RGSL1: variants seen among roughly 807,000 people sequenced by gnomAD.
The protein encoded by RGSL1 is regulator of G protein signaling protein-like.
In RGSL1, 97 loss-of-function variants were observed where a neutral mutation model predicts 124.7. The ratio of observed to expected loss-of-function variants is 0.78; its 90% CI spans 0.66 to 0.92. The LOEUF (loss-of-function observed/expected upper bound fraction) is 0.92, where lower values mean the gene tolerates loss of function less well. RGSL1 is among the 40% of genes least tolerant of loss of function. The pLI is 0.00. For missense variants in RGSL1, 1,233 were observed against 1,288.4 expected (o/e 0.96, Z 0.66); for synonymous variants, 424 against 438.1 (o/e 0.97, Z 0.40).
At chr1:182,511,634 A>G (rs570605013) in intron 9 of RGSL1, among the ~76,000 whole-genome samples, 1 of 152,218 alleles carries the variant, frequency 6.6e-6, no homozygotes, top group Admixed American at 6.5e-5. Context: ...CATGGTGCTG[A>G]TTTGGTTACT....
At position 182,488,382 on chromosome 1, in the gene RGSL1, G is replaced by A. The variant is rs750860724; in HGVS notation, c.1494+35G>A. ...ACTTTGGGTTAGGAAGGAATCATGA[G>A]GATGAGGGAAGAAGAAAGAGTAATT... On this transcript the variant is annotated intron_variant, in intron 7 of 21. Coordinates refer to ENST00000294854, the MANE Select transcript of RGSL1 (RefSeq NM_001137669.2). 26 of 1,504,390 alleles carry A rather than the reference G, an allele frequency of 1.7e-5. No homozygotes were observed. In the Middle Eastern group the frequency reaches 8.4e-4, roughly 49 times the overall value. The allele number at this position is 1,504,390 out of a possible 1,614,324, so 93.2% of individuals were successfully genotyped here.
intron 2 of RGSL1, among the ~76,000 whole-genome samples, chr1:182,457,596 G>GA (rs1197952933): frequency 6.6e-6 from 1 of 152,200 alleles, no homozygotes; most frequent in Non-Finnish European, 1.5e-5. Context: ...GAGATGGTCA[G>GA]ACTGACATGA....
In RGSL1 at chr1:182,493,070, T is replaced by C; in HGVS notation, c.1766T>C (p.Met589Thr). Reference sequence around the variant, plus strand: ...GAGCTTTGCTACAAGAACCCAAAGATGGCCATACAGAAGATCAGTGATGAC... The same window carrying C: ...GAGCTTTGCTACAAGAACCCAAAGACGGCCATACAGAAGATCAGTGATGAC... ...FEELCYKNPK[M>T]AIQKISDDYK... Residue 589 changes from methionine (M) to threonine (T), a missense_variant, in exon 9 of 22, where the codon ATG becomes ACG. Met to Thr is a moderately conservative substitution (Grantham distance 81, BLOSUM62 -1). Transcript: ENST00000294854. The C allele has an allele frequency of 3.2e-6, 5 of 1,551,832 alleles. No homozygotes were observed. Among genetic ancestry groups the C allele is most frequent in the South Asian group, 1.2e-5 (1 of 84,068 alleles).
At chr1:182,526,223 C>T (rs1658731208) in intron 10 of RGSL1, among the ~76,000 whole-genome samples, 1 of 152,100 alleles carries the variant, frequency 6.6e-6, no homozygotes, top group South Asian at 2.1e-4. Flanking sequence ...GTAACACTTG[C>T]CAACTTATTC....
At chr1:182,520,939 G>A (rs931980163) in intron 9 of RGSL1, among the ~76,000 whole-genome samples, 2 of 152,116 alleles carry the variant, frequency 1.3e-5, no homozygotes, top group Non-Finnish European at 2.9e-5. Flanking sequence ...AGTCAGATGA[G>A]TAATACACCA....
chr1:182,534,504 G>GT (rs1659405924), intron 14 of RGSL1, among the ~76,000 whole-genome samples: 1 of 152,028 alleles, frequency 6.6e-6, no homozygotes, highest in Non-Finnish European at 1.5e-5. Context: ...TTTATGAACT[G>GT]TTTCACAATA....
rs1200082247 is a variant in RGSL1, at chr1:182,460,124, C to T, written c.292C>T (p.Pro98Ser). ...CQEFISFIKS[P>S]EGGEELVDFW... ...GGAGTTCATCAGTTTCATTAAGTCC[C>T]CAGAAGGAGGTAAGCATTGGTGTGC... The change falls in exon 4 of 22, where the codon CCA becomes TCA. Residue 98 changes from proline to serine, a missense_variant. By Grantham distance (74) the Pro-to-Ser change is moderately conservative (BLOSUM62 -1). Transcript: ENST00000294854. 2 of 1,550,562 alleles carry T rather than the reference C, an allele frequency of 1.3e-6. No individual in the cohort carries two copies. The highest frequency in any genetic ancestry group is 1.7e-6 in the Non-Finnish European group (2 of 1,146,676).
At chr1:182,535,632 C>T (rs1053398324) in intron 14 of RGSL1, among the ~76,000 whole-genome samples, 2 of 152,188 alleles carry the variant, frequency 1.3e-5, no homozygotes, top group African/African-American at 2.4e-5. Flanking sequence ...TGCCTCTCAA[C>T]CAAAAATTAA....
intron 9 of RGSL1, among the ~76,000 whole-genome samples, chr1:182,517,636 T>C (rs1181279277): frequency 6.6e-6 from 1 of 152,172 alleles, no homozygotes; most frequent in Non-Finnish European, 1.5e-5. Flanking sequence ...GGTTCTTTCC[T>C]CTCCTTGATC....
chr1:182,525,636 A>G (rs1658686627), intron 10 of RGSL1, among the ~76,000 whole-genome samples: 1 of 152,158 alleles, frequency 6.6e-6, no homozygotes, highest in Non-Finnish European at 1.5e-5. Flanking sequence ...GAAAAAGAAC[A>G]TATATTCAAG....
At chr1:182,489,626 G>A (rs1274605720) in intron 8 of RGSL1, among the ~76,000 whole-genome samples, 3 of 152,292 alleles carry the variant, frequency 2.0e-5, no homozygotes, top group South Asian at 2.1e-4. Flanking sequence ...ACAGTCACCC[G>A]CTTCCCTAAC....
At chr1:182,492,243 G>A (rs762522954) in intron 8 of RGSL1, among the ~76,000 whole-genome samples, 21 of 152,246 alleles carry the variant, frequency 1.4e-4, no homozygotes, top group South Asian at 4.2e-4. Flanking sequence ...CCCGCACTTC[G>A]GGAGGCCAAG....
intron 11 of RGSL1, 83 bp from the exon 12 acceptor site, chr1:182,530,160 TA>T (rs368825841): frequency 0.038 from 27,956 of 729,464 alleles, 1 homozygote; most frequent in South Asian, 0.048. Flanking sequence ...GACTCTAAGA[TA>T]AAAAAAAAAA....
chr1:182,464,958 T>C (rs1478817703), intron 4 of RGSL1, among the ~76,000 whole-genome samples: 1 of 151,838 alleles, frequency 6.6e-6, no homozygotes, highest in Non-Finnish European at 1.5e-5. Flanking sequence ...ACAGGTGTCA[T>C]GCACCTATAG....
At chr1:182,450,875 G>A (rs932514225) in intron 1 of RGSL1, among the ~76,000 whole-genome samples, 1 of 152,150 alleles carries the variant, frequency 6.6e-6, no homozygotes, top group Admixed American at 6.5e-5. Flanking sequence ...GGCTGGGAGC[G>A]TTGGCTCACC....
chr1:182,491,830 A>G (rs1187076036), intron 8 of RGSL1, among the ~76,000 whole-genome samples: 1 of 151,708 alleles, frequency 6.6e-6, no homozygotes, highest in African/African-American at 2.4e-5. Context: ...TCTAAATCCC[A>G]GAACTCACAA....
intron 4 of RGSL1, among the ~76,000 whole-genome samples, chr1:182,465,502 A>G (rs1045098211): frequency 1.3e-5 from 2 of 151,868 alleles, no homozygotes; most frequent in Non-Finnish European, 2.9e-5. Context: ...TAGGAGATAT[A>G]CCTAATGTAA....
chr1:182,551,923 A>G (rs1170720275), intron 18 of RGSL1, among the ~76,000 whole-genome samples: 1 of 152,156 alleles, frequency 6.6e-6, no homozygotes, highest in Non-Finnish European at 1.5e-5. Context: ...CATTCAGTAC[A>G]GTAGCATGCT....
chr1:182,530,262 A>C lies in RGSL1; in HGVS notation c.2144A>C (p.Asp715Ala). ...QLSPEEMLQC[D>A]APIIKEIASM... Reference sequence around the variant, plus strand: ...TTTCTAGAAGAAATGCTGCAGTGTGATGCCCCTATTATCAAAGAAATCGCT... The same window carrying C: ...TTTCTAGAAGAAATGCTGCAGTGTGCTGCCCCTATTATCAAAGAAATCGCT... Residue 715 changes from aspartate to alanine, a missense_variant, in exon 12 of 22, where the codon GAT (aspartate) becomes GCT (alanine). Physicochemically the swap from Asp to Ala is moderately radical, Grantham distance 126. Coordinates refer to ENST00000294854, the MANE Select transcript of RGSL1 (RefSeq NM_001137669.2). The C allele has an allele frequency of 6.4e-7, 1 of 1,550,786 alleles. No individual in the cohort carries two copies. The highest frequency in any genetic ancestry group is 8.7e-7 in the Non-Finnish European group (1 of 1,146,348).
Sources: gnomAD v4.1 joint callset for allele counts (sites outside exome capture counted in the v4.1 genomes callset) on GRCh38, gnomAD v4.1.1 for gene constraint, MANE v1.5 for transcripts, NCBI Gene and HGNC (gene_info 2026-07-23, HGNC 2026-07-21) for gene names.